Variants in BBX observed in about 807,000 individuals in gnomAD.
The protein encoded by BBX is HMG box transcription factor BBX.
A neutral mutation model predicts 100.2 loss-of-function variants in BBX; 30 were observed. That is an observed-to-expected ratio of 0.30 (90% CI 0.22 to 0.41). BBX has a LOEUF of 0.41. Among genes scored for constraint, BBX ranks in the 10% least tolerant of loss-of-function variants. The pLI is 1.00. For missense variants in BBX, 1,023 were observed against 1,129.8 expected, an observed-to-expected ratio of 0.91 and a Z score of 1.35; for synonymous variants, 376 against 388.1, an observed-to-expected ratio of 0.97 and a Z score of 0.37.
intron 2 of BBX, among the ~76,000 whole-genome samples, chr3:107,624,793 C>T (rs182855623): frequency 4.1e-4 from 62 of 152,226 alleles, no homozygotes; most frequent in African/African-American, 1.2e-3. Context: ...CGCTTGAACC[C>T]GGGAGGCGGA....
chr3:107,694,856 A>T (rs1228675401), intron 3 of BBX, among the ~76,000 whole-genome samples: 1 of 151,588 alleles, frequency 6.6e-6, no homozygotes, highest in African/African-American at 2.4e-5. Context: ...GCTATTGATT[A>T]TTGCCACAAT....
chr3:107,673,103 A>G (rs901568679), intron 3 of BBX, among the ~76,000 whole-genome samples: 9 of 152,150 alleles, frequency 5.9e-5, no homozygotes, highest in South Asian at 2.1e-4. Flanking sequence ...GTGATTTTGA[A>G]TGAAGTAAAG....
chr3:107,714,900 C>T (rs1560025716), intron 4 of BBX, among the ~76,000 whole-genome samples: 1 of 152,068 alleles, frequency 6.6e-6, no homozygotes, highest in Non-Finnish European at 1.5e-5. Context: ...ATTCTCCTGC[C>T]TCAGTCTCCC....
At chr3:107,785,078 A>G (rs1385066687) in intron 13 of BBX, among the ~76,000 whole-genome samples, 2 of 151,766 alleles carry the variant, frequency 1.3e-5, no homozygotes, top group Non-Finnish European at 2.9e-5. Context: ...AACAATTCCT[A>G]AAAAGACACA....
Position 107,628,608 on chromosome 3 carries a change from C to T in BBX, c.-83-17228C>T, listed in dbSNP as rs142549334. Among the ~76,000 whole-genome samples, 810 of 151,996 alleles carry T rather than the reference C, an allele frequency of 5.3e-3. 3 individuals are homozygous for T. Among genetic ancestry groups the T allele is most frequent in the Non-Finnish European group, 0.01 (687 of 67,966 alleles). ...TTTCCATTTAATTTAAGAAACCCTC[C>T]AGTTATCTTAGTGACATAATATTAA... On this transcript the variant is annotated intron_variant, in intron 2 of 17. Transcript: ENST00000325805.
intron 2 of BBX, among the ~76,000 whole-genome samples, chr3:107,613,809 C>T (rs564926766): frequency 2.6e-5 from 4 of 152,126 alleles, no homozygotes; most frequent in East Asian, 3.9e-4. Context: ...ATTTTGTACA[C>T]GGCACATTGC....
At chr3:107,540,050 C>A (rs1302660174) in intron 2 of BBX, among the ~76,000 whole-genome samples, 1 of 152,096 alleles carries the variant, frequency 6.6e-6, no homozygotes, top group African/African-American at 2.4e-5. Flanking sequence ...AATTTTTGTT[C>A]ACTGTTTTAT....
intron 5 of BBX, among the ~76,000 whole-genome samples, chr3:107,727,527 T>C (rs780982458): frequency 6.6e-6 from 1 of 152,186 alleles, no homozygotes; most frequent in Non-Finnish European, 1.5e-5. Context: ...CTTACCTTCC[T>C]TCTACATGTA....
chr3:107,713,967 CTTTTTT>C lies in BBX; in HGVS notation c.163-2619_163-2614del, dbSNP rs569427270. On this transcript the variant is annotated intron_variant, in intron 4 of 17. Transcript: ENST00000325805. ...TTTTAATTTTTTTAATAATTTTTTT[CTTTTTT>C]TTTTTTTTTTTTTTTTTTTTGAGAC... Among the ~76,000 whole-genome samples, 170 of 82,274 alleles carry C rather than the reference CTTTTTT, an allele frequency of 2.1e-3. 1 individual carries two copies. Among genetic ancestry groups the C allele is most frequent in the African/African-American group, 5.6e-3 (144 of 25,550 alleles). The allele number at this position is 82,274 out of a possible 152,430, so 54.0% of individuals were successfully genotyped here.
At chr3:107,672,199 G>T (rs2059054820) in intron 3 of BBX, among the ~76,000 whole-genome samples, 1 of 151,928 alleles carries the variant, frequency 6.6e-6, no homozygotes, top group Admixed American at 6.6e-5. Flanking sequence ...CTTCACCTTA[G>T]CTCCCCAAGT....
chr3:107,616,185 A>T (rs2055264675), intron 2 of BBX, among the ~76,000 whole-genome samples: 1 of 151,674 alleles, frequency 6.6e-6, no homozygotes, highest in Non-Finnish European at 1.5e-5. Flanking sequence ...GAGATTCAAA[A>T]TTTTTTTAGT....
chr3:107,536,170 T>C (rs1182093669), intron 2 of BBX, among the ~76,000 whole-genome samples: 1 of 152,224 alleles, frequency 6.6e-6, no homozygotes, highest in Non-Finnish European at 1.5e-5. Context: ...GGAACTTATT[T>C]CTGCTGTGCT....
chr3:107,621,390 A>G (rs535815647), intron 2 of BBX, among the ~76,000 whole-genome samples: 1 of 152,158 alleles, frequency 6.6e-6, no homozygotes, highest in Admixed American at 6.5e-5. Context: ...CTTCTTAATG[A>G]TTGTTTTATA....
intron 13 of BBX, among the ~76,000 whole-genome samples, chr3:107,785,948 A>G (rs937524219): frequency 1.3e-5 from 2 of 152,072 alleles, no homozygotes; most frequent in Non-Finnish European, 2.9e-5. Flanking sequence ...CCACCAAAAA[A>G]CTATTACAGC....
chr3:107,796,946 A>G (rs1247251529), intron 15 of BBX, among the ~76,000 whole-genome samples: 1 of 152,150 alleles, frequency 6.6e-6, no homozygotes, highest in Non-Finnish European at 1.5e-5. Context: ...TAGTTTTTTA[A>G]AACAACTGTT....
intron 7 of BBX, among the ~76,000 whole-genome samples, chr3:107,740,679 C>G (rs573536768): frequency 9.3e-4 from 141 of 152,208 alleles, no homozygotes; most frequent in Non-Finnish European, 9.3e-4. Flanking sequence ...AAGTCACTCT[C>G]TCAAACACAC....
chr3:107,792,957 G>A (rs1353304514), intron 15 of BBX, among the ~76,000 whole-genome samples: 1 of 152,086 alleles, frequency 6.6e-6, no homozygotes, highest in Non-Finnish European at 1.5e-5. Context: ...TTACCTGGGA[G>A]TTAGGAAATC....
chr3:107,543,439 A>G (rs1436263952), intron 2 of BBX, among the ~76,000 whole-genome samples: 1 of 152,252 alleles, frequency 6.6e-6, no homozygotes, highest in African/African-American at 2.4e-5. Context: ...AAATGGTTAA[A>G]AAATTAAACC....
At chr3:107,654,164 C>T (rs910160736) in intron 3 of BBX, among the ~76,000 whole-genome samples, 3 of 152,146 alleles carry the variant, frequency 2.0e-5, no homozygotes, top group Non-Finnish European at 4.4e-5. Context: ...ATCATTTTGT[C>T]AGGCCATTTG....
Sources: gnomAD v4.1 joint callset for allele counts (sites outside exome capture counted in the v4.1 genomes callset) on GRCh38, gnomAD v4.1.1 for gene constraint, MANE v1.5 for transcripts, NCBI Gene and HGNC (gene_info 2026-07-23, HGNC 2026-07-21) for gene names.